The following H1-8 variants were observed in gnomAD, a reference collection of about 807,000 sequenced individuals.
H1-8 encodes the protein histone H1.8.
In H1-8, 13 loss-of-function variants were observed where a neutral mutation model predicts 19.5. The observed-to-expected ratio is 0.67, with a 90% CI of 0.43 to 1.06. The LOEUF (loss-of-function observed/expected upper bound fraction) is 1.06. H1-8 is among the 50% of genes least tolerant of loss of function. The pLI, the probability that H1-8 is intolerant of heterozygous loss-of-function variation, is 0.00. For synonymous variants in H1-8, 193 were observed against 187.6 expected (o/e 1.03, Z -0.24); for missense variants, 432 against 459.8 (o/e 0.94, Z 0.55).
rs113329769 is a variant in H1-8, at chr3:129,551,428, C to T, written c.*88C>T. ...ACTGCTCTATTTATTTCATTGTAAG[C>T]TATTTATCAATAAAGACTTTTGTTT... On this transcript the variant is annotated 3_prime_UTR_variant, in exon 5 of 5. Coordinates refer to ENST00000324382, the MANE Select transcript of H1-8 (RefSeq NM_153833.3). The T allele has an allele frequency of 3.7e-3, 3,072 of 827,580 alleles. 68 individuals are homozygous for T. In the African/African-American group the frequency reaches 0.047, roughly 13 times the overall value. The allele number at this position is 827,580 out of a possible 1,614,324, so 51.3% of individuals were successfully genotyped here.
intron 4 of H1-8, 43 bp downstream of exon 4, chr3:129,550,852 A>G: frequency 6.5e-7 from 1 of 1,541,070 alleles, no homozygotes; most frequent in Non-Finnish European, 8.9e-7. Context: ...GCCTGCCCTG[A>G]ACAGGCCAGA....
Position 129,548,991 on chromosome 3 carries a change from CCTT to C in H1-8, c.379-7_379-5del. On this transcript the variant is annotated splice_polypyrimidine_tract_variant and splice_region_variant and intron_variant, in intron 2 of 4. Transcript: ENST00000324382. ...CTCTGCTTTCAGCCCCACCCCGTGT[CCTT>C]CTCCAGTTAGTTCCCAAGCACAAGA... The C allele has an allele frequency of 6.3e-7, 1 of 1,596,084 alleles. No individual in the cohort carries two copies. The highest frequency in any genetic ancestry group is 8.5e-7 in the Non-Finnish European group (1 of 1,171,874).
intron 2 of H1-8, 44 bp downstream of exon 2, chr3:129,547,724 G>A: frequency 6.8e-7 from 1 of 1,473,738 alleles, no homozygotes; most frequent in Middle Eastern, 2.4e-4. Context: ...TTGGAGCAAT[G>A]GTCCTGGCCT....
At position 129,547,610 on chromosome 3, in the gene H1-8, C is replaced by T; in HGVS notation, c.308C>T (p.Thr103Ile). The T allele has an allele frequency of 6.4e-7, 1 of 1,552,180 alleles. No individual in the cohort carries two copies. Among genetic ancestry groups the T allele is most frequent in the Non-Finnish European group, 8.7e-7 (1 of 1,148,538 alleles). The change falls in exon 2 of 5, where the codon ACT becomes ATT. Residue 103 changes from threonine (T) to isoleucine (I), a missense_variant. Physicochemically the swap from Thr to Ile is moderately conservative, Grantham distance 89. Coordinates refer to ENST00000324382, the MANE Select transcript of H1-8 (RefSeq NM_153833.3). ...TACCTGCTGAAGCAGGCGCTGGCCACTGGCATGCGCCGTGGCCTCCTCGCC... is the reference window on the plus strand; with the variant it reads ...TACCTGCTGAAGCAGGCGCTGGCCATTGGCATGCGCCGTGGCCTCCTCGCC... ...FKYLLKQALA[T>I]GMRRGLLARP... is the part of the protein sequence containing the mutation.
At chr3:129,546,037 G>A (rs1177474467) in intron 1 of H1-8, among the ~76,000 whole-genome samples, 2 of 151,846 alleles carry the variant, frequency 1.3e-5, no homozygotes, top group Admixed American at 6.6e-5. Context: ...AGCACTTTGG[G>A]AGACTGAGGT....
At chr3:129,549,483 C>T in intron 3 of H1-8, 119 bp downstream of exon 3, 6 of 1,208,654 alleles carry the variant, frequency 5.0e-6, no homozygotes, top group Non-Finnish European at 5.7e-6. Context: ...GTCCTGAGTG[C>T]TGGGCTTGAC....
In H1-8 at chr3:129,549,305, C is replaced by A; in HGVS notation, c.683C>A (p.Pro228His). The A allele has an allele frequency of 6.2e-7, 1 of 1,605,616 alleles. No individual in the cohort carries two copies. The highest frequency in any genetic ancestry group is 8.5e-7 in the Non-Finnish European group (1 of 1,177,470). The change falls in exon 3 of 5, where the codon CCT becomes CAT. Residue 228 changes from proline to histidine, a missense_variant. Coordinates refer to ENST00000324382, the MANE Select transcript of H1-8 (RefSeq NM_153833.3). Reference sequence around the variant, plus strand: ...AAGCCAGACAAGGCCATGCGGGCACCTTCCAGTGCTGGTGGGCTCAGCAGG... The same window carrying A: ...AAGCCAGACAAGGCCATGCGGGCACATTCCAGTGCTGGTGGGCTCAGCAGG... ...PPKPDKAMRA[P>H]SSAGGLSRKA...
chr3:129,546,138 A>T (rs1187875917), intron 1 of H1-8, among the ~76,000 whole-genome samples: 1 of 147,832 alleles, frequency 6.8e-6, no homozygotes, highest in Admixed American at 6.9e-5. Flanking sequence ...TAATAATAAT[A>T]ATAATAATAA....
At chr3:129,546,716 C>T (rs1446649048) in intron 1 of H1-8, among the ~76,000 whole-genome samples, 1 of 152,124 alleles carries the variant, frequency 6.6e-6, no homozygotes, top group Non-Finnish European at 1.5e-5. Flanking sequence ...ACCTTTAGTC[C>T]ATAGGGTGCC....
intron 4 of H1-8, 121 bp from the exon 5 acceptor site, chr3:129,550,986 C>T: frequency 1.0e-6 from 1 of 1,002,722 alleles, no homozygotes; most frequent in East Asian, 2.6e-5. Flanking sequence ...GTGTTGCCAT[C>T]CCCATCTTAC....
intron 2 of H1-8, chr3:129,548,367 T>G: frequency 2.0e-6 from 2 of 986,034 alleles, no homozygotes; most frequent in Non-Finnish European, 2.4e-6. Context: ...CTCCTGGGCG[T>G]GGGTCAGAGC....
rs545725773 is a variant in H1-8, at chr3:129,551,420, A to G, written c.*80A>G. ...AACTAACCACTGCTCTATTTATTTC[A>G]TTGTAAGCTATTTATCAATAAAGAC... On this transcript the variant is annotated 3_prime_UTR_variant, in exon 5 of 5. Coordinates refer to ENST00000324382, the MANE Select transcript of H1-8 (RefSeq NM_153833.3). 1 of 840,088 alleles carries G rather than the reference A, an allele frequency of 1.2e-6. No homozygotes were observed. Among genetic ancestry groups the G allele is most frequent in the South Asian group, 1.7e-5 (1 of 57,674 alleles). 52.0% of individuals were successfully genotyped at this position (840,088 alleles called of 1,614,324 possible).
chr3:129,549,761 C>T (rs1387127038), intron 3 of H1-8, among the ~76,000 whole-genome samples: 3 of 152,066 alleles, frequency 2.0e-5, no homozygotes, highest in Non-Finnish European at 2.9e-5. Flanking sequence ...TGAGACCAAC[C>T]TGGTCAACAT....
At chr3:129,550,853 A>G (rs1288514813) in intron 4 of H1-8, 44 bp downstream of exon 4, 3 of 1,540,406 alleles carry the variant, frequency 1.9e-6, no homozygotes, top group East Asian at 4.6e-5. Flanking sequence ...CCTGCCCTGA[A>G]CAGGCCAGAG....
chr3:129,545,949 C>T (rs893414964), intron 1 of H1-8, among the ~76,000 whole-genome samples: 5 of 151,764 alleles, frequency 3.3e-5, no homozygotes, highest in South Asian at 2.1e-4. Context: ...AGGTATATAC[C>T]GAAGAGTGGA....
chr3:129,543,212 C>G lies in H1-8; in HGVS notation c.-7C>G, dbSNP rs747178739. On this transcript the variant is annotated 5_prime_UTR_variant, in exon 1 of 5. Transcript: ENST00000324382. ...TGAGGGGTCTGCTGGCTGCACCTGT[C>G]GGTCTCATGGCTCCTGGGAGCGTCA... 1.9e-6 allele frequency: 3 copies of G among 1,610,568 alleles called. No individual in the cohort carries two copies. The East Asian group carries it at 6.7e-5, about 36-fold the overall frequency.
In H1-8 at chr3:129,549,239, A is replaced by G. The variant is rs2084915148; in HGVS notation, c.617A>G (p.Asp206Gly). 2 of 1,589,222 alleles carry G rather than the reference A, an allele frequency of 1.3e-6. No homozygotes were observed. Among genetic ancestry groups the G allele is most frequent in the South Asian group, 2.3e-5 (2 of 88,004 alleles). The change falls in exon 3 of 5, where the codon GAC becomes GGC. Residue 206 changes from aspartate to glycine, a missense_variant. Coordinates refer to ENST00000324382, the MANE Select transcript of H1-8 (RefSeq NM_153833.3). ...KARKQGGAAK[D>G]TRAQSGEARK... is the part of the protein sequence containing the mutation. ...CGCAAGCAAGGCGGCGCGGCCAAGGACACCAGGGCACAGTCGGGAGAGGCT... is the reference window on the plus strand; with the variant it reads ...CGCAAGCAAGGCGGCGCGGCCAAGGGCACCAGGGCACAGTCGGGAGAGGCT...
chr3:129,548,211 G>C (rs1002991989), intron 2 of H1-8: 1 of 432,900 alleles, frequency 2.3e-6, no homozygotes, highest in Non-Finnish European at 3.1e-6. Context: ...TGTCATTGCT[G>C]GGTCCCCTGC....
In H1-8 at chr3:129,547,550, A is replaced by T; in HGVS notation, c.248A>T (p.His83Leu). The change falls in exon 2 of 5, where the codon CAC becomes CTC. Residue 83 changes from histidine to leucine, a missense_variant. His to Leu is a moderately conservative substitution (Grantham distance 99). Coordinates refer to ENST00000324382, the MANE Select transcript of H1-8 (RefSeq NM_153833.3). ...SVAAIKLYILHKYPTVDVLRF... is the reference protein window; with the variant it reads ...SVAAIKLYILLKYPTVDVLRF... ...GCAGCTATCAAGCTCTACATCCTGC[A>T]CAAGTACCCAACAGTGGACGTCCTC... is the stretch of plus-strand genomic sequence containing the variant. 1 of 1,577,468 alleles carries T rather than the reference A, an allele frequency of 6.3e-7. No homozygotes were observed. Among genetic ancestry groups the T allele is most frequent in the South Asian group, 1.2e-5 (1 of 86,292 alleles).
Sources: gnomAD v4.1 joint callset for allele counts (sites outside exome capture counted in the v4.1 genomes callset) on GRCh38, gnomAD v4.1.1 for gene constraint, MANE v1.5 for transcripts, NCBI Gene and HGNC (gene_info 2026-07-23, HGNC 2026-07-21) for gene names.